Variants in BMAL2 observed in about 807,000 individuals in gnomAD.
BMAL2 encodes basic helix-loop-helix ARNT-like protein 2.
the BMAL2 span, among the ~76,000 whole-genome samples, chr12:27,397,139 C>T: frequency 2.0e-5 from 3 of 152,226 alleles, no homozygotes; most frequent in South Asian, 4.1e-4. Flanking sequence ...GGCATGATCT[C>T]GGCTCACTGC....
At chr12:27,403,200 T>A in the BMAL2 span, among the ~76,000 whole-genome samples, 1 of 152,190 alleles carries the variant, frequency 6.6e-6, no homozygotes, top group South Asian at 2.1e-4. Flanking sequence ...GCTGTGGAGA[T>A]TAAAGTGGCA....
chr12:27,387,365 G>T, the BMAL2 span: 2 of 1,307,956 alleles, frequency 1.5e-6, no homozygotes, highest in South Asian at 2.4e-5. Context: ...TTAATTTTTT[G>T]AACAAACACA....
chr12:27,358,703 T>A, the BMAL2 span, among the ~76,000 whole-genome samples: 5 of 152,178 alleles, frequency 3.3e-5, no homozygotes, highest in Non-Finnish European at 7.3e-5. Flanking sequence ...TCTATCTAGG[T>A]CTAATTTCAT....
At chr12:27,343,858 T>A in the BMAL2 span, among the ~76,000 whole-genome samples, 4 of 152,234 alleles carry the variant, frequency 2.6e-5, no homozygotes, top group African/African-American at 7.2e-5. Context: ...GATTACATTC[T>A]GCATCACAAA....
the BMAL2 span, among the ~76,000 whole-genome samples, chr12:27,403,876 C>T: frequency 4.0e-5 from 6 of 151,824 alleles, no homozygotes; most frequent in Admixed American, 1.3e-4. Context: ...AAAATACCAC[C>T]GTGTGGCCAG....
the BMAL2 span, chr12:27,387,370 AAC>A: frequency 7.7e-7 from 1 of 1,292,160 alleles, no homozygotes; most frequent in Non-Finnish European, 1.1e-6. Flanking sequence ...TTTTTGAACA[AAC>A]ACATATTTTT....
At chr12:27,418,508 G>C in the BMAL2 span, among the ~76,000 whole-genome samples, 1 of 152,006 alleles carries the variant, frequency 6.6e-6, no homozygotes, top group African/African-American at 2.4e-5. Context: ...AGGAGGCTAA[G>C]GCAGGAGGAT....
chr12:27,345,503 T>C, the BMAL2 span, among the ~76,000 whole-genome samples: 3 of 152,174 alleles, frequency 2.0e-5, no homozygotes, highest in African/African-American at 7.2e-5. Context: ...TTATTGTTTA[T>C]TTTATTGAGA....
At chr12:27,369,305 G>GT in the BMAL2 span, among the ~76,000 whole-genome samples, 2 of 151,594 alleles carry the variant, frequency 1.3e-5, no homozygotes, top group African/African-American at 2.4e-5. Flanking sequence ...TTGGTGGGGG[G>GT]GGTGGTATTC....
At chr12:27,418,553 T>A in the BMAL2 span, among the ~76,000 whole-genome samples, 2 of 151,932 alleles carry the variant, frequency 1.3e-5, no homozygotes, top group East Asian at 3.9e-4. Flanking sequence ...TGCAGTGAGC[T>A]GTAATTGTAC....
At chr12:27,348,925 A>G in the BMAL2 span, among the ~76,000 whole-genome samples, 1 of 152,206 alleles carries the variant, frequency 6.6e-6, no homozygotes, top group African/African-American at 2.4e-5. Flanking sequence ...AAGTGCTGCT[A>G]TATAATGTCT....
chr12:27,332,955 G>GCCCGCCAGTC, the BMAL2 span: 4 of 803,360 alleles, frequency 5.0e-6, no homozygotes, highest in Non-Finnish European at 6.4e-6. Flanking sequence ...ACCCGGCAGG[G>GCCCGCCAGTC]CCCGCCAGTC....
At chr12:27,342,542 T>C in the BMAL2 span, among the ~76,000 whole-genome samples, 5 of 152,234 alleles carry the variant, frequency 3.3e-5, no homozygotes, top group African/African-American at 4.8e-5. Context: ...TTAAAAGGAA[T>C]AGAAGATTAT....
the BMAL2 span, among the ~76,000 whole-genome samples, chr12:27,334,658 A>G: frequency 6.6e-6 from 1 of 152,268 alleles, no homozygotes; most frequent in African/African-American, 2.4e-5. Context: ...GATAAAGTTT[A>G]ATGCTATTTA....
chr12:27,389,260 G>A, the BMAL2 span: 1 of 1,610,932 alleles, frequency 6.2e-7, no homozygotes, highest in Non-Finnish European at 8.5e-7. Context: ...TTCTTCTTTT[G>A]ATATTTCACC....
chr12:27,385,570 G>A, the BMAL2 span: 3 of 1,548,416 alleles, frequency 1.9e-6, no homozygotes, highest in South Asian at 3.4e-5. Context: ...GGTAACTAAA[G>A]ATATATTTGT....
chr12:27,401,929 T>C, the BMAL2 span, among the ~76,000 whole-genome samples: 3 of 152,202 alleles, frequency 2.0e-5, no homozygotes, highest in African/African-American at 7.2e-5. Context: ...TATTCAAGCA[T>C]TTTCTTCCTA....
At chr12:27,415,797 A>C in the BMAL2 span, 1 of 989,612 alleles carries the variant, frequency 1.0e-6, no homozygotes, top group African/African-American at 1.6e-5. Flanking sequence ...GTAGATTATT[A>C]TGTATTTAGA....
the BMAL2 span, chr12:27,376,273 C>G: frequency 7.5e-7 from 1 of 1,333,746 alleles, no homozygotes; most frequent in Non-Finnish European, 1.1e-6. Context: ...CTTAATCTCA[C>G]ATCTATTTCT....
Sources: allele counts gnomAD v4.1 joint callset (sites outside exome capture counted in the v4.1 genomes callset), GRCh38; gene constraint gnomAD v4.1.1; transcripts MANE v1.5; gene names NCBI Gene and HGNC (gene_info 2026-07-23, HGNC 2026-07-21).